Variants in MOSMO observed in about 807,000 individuals in gnomAD.
The protein encoded by MOSMO is modulator of smoothened, also known as modulator of smoothened protein.
MOSMO carries 5 observed loss-of-function variants against 18.4 expected under a neutral mutation model. The observed-to-expected ratio is 0.27, with a 90% CI of 0.14 to 0.57. The LOEUF (loss-of-function observed/expected upper bound fraction) is 0.57, where lower values mean the gene tolerates loss of function less well. Ranked by LOEUF, MOSMO falls within the 20% of genes least tolerant of loss-of-function variation. The pLI is 0.92. For synonymous variants in MOSMO, 82 were observed against 82.3 expected (o/e 1.00, Z 0.02); for missense variants, 138 against 211.8 (o/e 0.65, Z 2.16).
At chr16:22,015,186 A>C (rs1190205572) in intron 1 of MOSMO, among the ~76,000 whole-genome samples, 1 of 152,040 alleles carries the variant, frequency 6.6e-6, no homozygotes, top group Admixed American at 6.6e-5. Context: ...CATAGAATCT[A>C]TGTGATCCTT....
intron 1 of MOSMO, among the ~76,000 whole-genome samples, chr16:22,043,132 A>G (rs1243635365): frequency 2.6e-5 from 4 of 152,238 alleles, no homozygotes; most frequent in Admixed American, 6.5e-5. Context: ...AAAGACATGC[A>G]GCATTGGGAA....
intron 1 of MOSMO, among the ~76,000 whole-genome samples, chr16:22,040,806 TG>T (rs1164440888): frequency 6.6e-6 from 1 of 152,132 alleles, no homozygotes; most frequent in Non-Finnish European, 1.5e-5. Context: ...AGCAGGATTA[TG>T]GTTTTAAGAA....
chr16:22,009,714 A>C lies in MOSMO; in HGVS notation c.106+1307A>C, dbSNP rs572623009. ...GGTGGCTCACGCCTGTAATCCCAGC[A>C]CTTTGGGAGGCCGAGGCGGGCGGAT... On this transcript the variant is annotated intron_variant, in intron 1 of 2. Coordinates refer to ENST00000542527, the MANE Select transcript of MOSMO (RefSeq NM_001164579.2). 4.1e-5 allele frequency among the ~76,000 whole-genome samples: 6 copies of C among 146,176 alleles called. No individual in the cohort carries two copies. In the East Asian group the frequency reaches 1.2e-3, roughly 30 times the overall value.
chr16:22,056,556 T>C (rs182467593), intron 1 of MOSMO, among the ~76,000 whole-genome samples: 2 of 149,546 alleles, frequency 1.3e-5, no homozygotes, highest in Non-Finnish European at 3.0e-5. Context: ...ATATATATAT[T>C]TTTTTTTGGT....
rs56313303 is a variant in MOSMO at position 22,009,804 on chromosome 16, CAAAAAAAAAAAAAAAAAA to C, written c.106+1413_106+1430del. 2.0e-3 allele frequency among the ~76,000 whole-genome samples: 73 copies of C among 35,970 alleles called. 1 individual carries two copies. The South Asian group carries it at 0.067, about 33-fold the overall frequency. 23.6% of individuals were successfully genotyped at this position (35,970 alleles called of 152,430 possible). A position where few individuals can be genotyped will look rare whatever the true frequency, so the allele number is the denominator to read the frequency against. On this transcript the variant is annotated intron_variant, in intron 1 of 2. Transcript: ENST00000542527. The stretch of plus-strand genomic sequence containing the variant: ...CGAAACCCCGTCTCTACTAAAAATA[CAAAAAAAAAAAAAAAAAA>C]AAAAAAAAAAAAAAAGAGAATTAGC...
rs1364387934 is a variant in MOSMO, at chr16:22,083,713, TA to T, written c.*2837del. ...CTTCTCATACCTAAGAATATCACTG[TA>T]AAATCTGCTGAAAACTATTTTTAGG... On this transcript the variant is annotated 3_prime_UTR_variant, in exon 3 of 3. Coordinates refer to ENST00000542527, the MANE Select transcript of MOSMO (RefSeq NM_001164579.2). 1 of 449,608 alleles carries T rather than the reference TA, an allele frequency of 2.2e-6. No homozygotes were observed. The highest frequency in any genetic ancestry group is 4.4e-6 in the Non-Finnish European group (1 of 225,382). The allele number at this position is 449,608 out of a possible 1,614,324, so 27.9% of individuals were successfully genotyped here. A position where few individuals can be genotyped will look rare whatever the true frequency, so the allele number is the denominator to read the frequency against.
intron 1 of MOSMO, among the ~76,000 whole-genome samples, chr16:22,023,997 T>TTTTATATATATATATATATATATA (rs371289654): frequency 7.9e-6 from 1 of 126,364 alleles, no homozygotes; most frequent in African/African-American, 3.7e-5. Context: ...TTTGTACAAA[T>TTTTATATATATATATATATATATA]TATATATATA....
intron 1 of MOSMO, among the ~76,000 whole-genome samples, chr16:22,060,859 G>A (rs1216291107): frequency 1.3e-5 from 2 of 151,054 alleles, no homozygotes; most frequent in Admixed American, 6.6e-5. Flanking sequence ...GGCAACAGGA[G>A]CAAAACTCTG....
At chr16:22,065,631 AT>A (rs554137096) in intron 1 of MOSMO, among the ~76,000 whole-genome samples, 77 of 152,258 alleles carry the variant, frequency 5.1e-4, no homozygotes, top group African/African-American at 1.5e-3. Context: ...CAAAAAAAAA[AT>A]ATATCTAATT....
At chr16:22,044,530 T>C (rs948539063) in intron 1 of MOSMO, among the ~76,000 whole-genome samples, 1 of 152,174 alleles carries the variant, frequency 6.6e-6, no homozygotes, top group African/African-American at 2.4e-5. Flanking sequence ...TGAAGCATTT[T>C]GGATTTTTGG....
chr16:22,071,092 T>C (rs1020439980), intron 1 of MOSMO, among the ~76,000 whole-genome samples: 8 of 152,188 alleles, frequency 5.3e-5, no homozygotes, highest in African/African-American at 1.9e-4. Flanking sequence ...GTAGAGTATT[T>C]TTTGGCCTGT....
intron 1 of MOSMO, among the ~76,000 whole-genome samples, chr16:22,051,296 G>C (rs745595682): frequency 2.0e-5 from 3 of 151,872 alleles, no homozygotes; most frequent in Non-Finnish European, 4.4e-5. Flanking sequence ...GCCAAGGCAG[G>C]AGGATCACTT....
At chr16:22,075,825 CGTG>C in intron 2 of MOSMO, 126 bp downstream of exon 2, 1 of 685,992 alleles carries the variant, frequency 1.5e-6, no homozygotes, top group Non-Finnish European at 2.5e-6. Context: ...TGTGTATGGC[CGTG>C]AGATAGACTC....
Position 22,081,060 on chromosome 16 carries a change from G to T in MOSMO, c.*180G>T. On this transcript the variant is annotated 3_prime_UTR_variant, in exon 3 of 3. Coordinates refer to ENST00000542527, the MANE Select transcript of MOSMO (RefSeq NM_001164579.2). The stretch of plus-strand genomic sequence containing the variant: ...TGGTTTGTTCTCACTATGCACTTTG[G>T]ATTTAAAAAAAAAAAAAAAAAGGAG... The T allele has an allele frequency of 3.8e-6, 1 of 261,614 alleles. No individual in the cohort carries two copies. Among genetic ancestry groups the T allele is most frequent in the Non-Finnish European group, 6.9e-6 (1 of 144,314 alleles). 16.2% of individuals were successfully genotyped at this position (261,614 alleles called of 1,614,324 possible). A position where few individuals can be genotyped will look rare whatever the true frequency, so the allele number is the denominator to read the frequency against.
intron 1 of MOSMO, among the ~76,000 whole-genome samples, chr16:22,055,699 T>C (rs1047292957): frequency 5.9e-5 from 9 of 152,218 alleles, no homozygotes; most frequent in African/African-American, 2.2e-4. Flanking sequence ...AAGTAAATTC[T>C]TTCCAGAACA....
downstream of MOSMO, chr16:22,090,042 A>G (rs1327508522): frequency 6.6e-6 from 1 of 151,922 alleles, no homozygotes; most frequent in Non-Finnish European, 1.5e-5. Flanking sequence ...ATGTGGTTTC[A>G]TGGGGCCAAT....
intron 1 of MOSMO, among the ~76,000 whole-genome samples, chr16:22,049,503 A>G (rs1900381382): frequency 6.6e-6 from 1 of 152,192 alleles, no homozygotes; most frequent in Non-Finnish European, 1.5e-5. Flanking sequence ...GCCATCTTAT[A>G]TGAATTGCTT....
At chr16:22,092,639 TGAA>T in the MOSMO span, 1 of 1,550,692 alleles carries the variant, frequency 6.4e-7, no homozygotes, top group Non-Finnish European at 8.7e-7. Flanking sequence ...GAGAAATAAA[TGAA>T]GAAATACAGG....
chr16:22,028,248 A>G (rs773939091), intron 1 of MOSMO, among the ~76,000 whole-genome samples: 23 of 152,016 alleles, frequency 1.5e-4, no homozygotes, highest in Non-Finnish European at 1.5e-4. Flanking sequence ...ACTTTCCTTT[A>G]TTATGATTAC....
Sources: allele counts gnomAD v4.1 joint callset (sites outside exome capture counted in the v4.1 genomes callset), GRCh38; gene constraint gnomAD v4.1.1; transcripts MANE v1.5; gene names NCBI Gene and HGNC (gene_info 2026-07-23, HGNC 2026-07-21).